Variants in BCAS4 observed in about 807,000 individuals in gnomAD.
BCAS4 encodes breast carcinoma-amplified sequence 4.
A neutral mutation model predicts 15.7 loss-of-function variants in BCAS4; 9 were observed. That is an observed-to-expected ratio of 0.57 (90% confidence interval 0.34 to 1.00). The LOEUF (loss-of-function observed/expected upper bound fraction) is 1.00. Among genes scored for constraint, BCAS4 ranks in the 50% least tolerant of loss-of-function variants. BCAS4 has a pLI of 0.02. For synonymous variants in BCAS4, 101 were observed against 99.5 expected, an observed-to-expected ratio of 1.02 and a Z score of -0.09; for missense variants, 225 against 239.1, an observed-to-expected ratio of 0.94 and a Z score of 0.39.
chr20:50,847,445 G>A (rs2088560303), intron 4 of BCAS4, among the ~76,000 whole-genome samples: 1 of 152,176 alleles, frequency 6.6e-6, no homozygotes, highest in Non-Finnish European at 1.5e-5. Flanking sequence ...AACACTTAGT[G>A]CTCAGCGGTG....
intron 2 of BCAS4, 59 bp from the exon 3 acceptor site, chr20:50,830,220 C>A: frequency 7.0e-7 from 1 of 1,434,120 alleles, no homozygotes; most frequent in Non-Finnish European, 9.8e-7. Context: ...ACCTCTGAGG[C>A]AGGCAGGAGG....
At chr20:50,827,548 TG>T (rs1279252951) in intron 2 of BCAS4, among the ~76,000 whole-genome samples, 1 of 152,236 alleles carries the variant, frequency 6.6e-6, no homozygotes, top group Non-Finnish European at 1.5e-5. Flanking sequence ...GTTAATTTTT[TG>T]TTGCTCAGCT....
At chr20:50,834,676 A>G (rs1014782692) in intron 3 of BCAS4, among the ~76,000 whole-genome samples, 7 of 152,204 alleles carry the variant, frequency 4.6e-5, no homozygotes, top group African/African-American at 1.7e-4. Flanking sequence ...TCATTCCTGA[A>G]CGTTTTCCCA....
chr20:50,876,581 C>T lies in BCAS4; in HGVS notation c.495C>T (p.His165=), dbSNP rs776820918. The change falls in exon 5 of 5, where the codon CAC becomes CAT. Residue 165 remains histidine, a synonymous_variant. Transcript: ENST00000371608. ...FPVDAGEAQH[H]PRTCPRPL ...TGGACGCCGGGGAAGCACAGCACCA[C>T]CCCCGCACCTGCCCTCGGCCTTTGT... The T allele has an allele frequency of 2.5e-6, 4 of 1,614,106 alleles. No individual in the cohort carries two copies. Among genetic ancestry groups the T allele is most frequent in the East Asian group, 2.2e-5 (1 of 44,876 alleles).
chr20:50,794,984 T>G (rs775282922), upstream of BCAS4: 1 of 1,269,264 alleles, frequency 7.9e-7, no homozygotes, highest in Non-Finnish European at 9.9e-7. Flanking sequence ...CGCCAGGCGG[T>G]CCGCGGGGCA....
intron 2 of BCAS4, among the ~76,000 whole-genome samples, chr20:50,822,020 T>C (rs975510833): frequency 1.3e-5 from 2 of 152,216 alleles, no homozygotes; most frequent in Admixed American, 1.3e-4. Flanking sequence ...AATTTGGTGA[T>C]GTAAAACAAC....
intron 4 of BCAS4, among the ~76,000 whole-genome samples, chr20:50,871,157 C>G (rs1456990668): frequency 2.0e-5 from 3 of 152,234 alleles, no homozygotes; most frequent in African/African-American, 7.2e-5. Flanking sequence ...GCTCCATCCT[C>G]AAGGAGCCCT....
At chr20:50,863,078 G>A (rs1298152199) in intron 4 of BCAS4, among the ~76,000 whole-genome samples, 4 of 151,792 alleles carry the variant, frequency 2.6e-5, no homozygotes, top group South Asian at 2.1e-4. Flanking sequence ...TGATCTGCCC[G>A]CCTTGCCTCC....
At chr20:50,873,547 A>G (rs1403025863) in intron 4 of BCAS4, among the ~76,000 whole-genome samples, 1 of 152,262 alleles carries the variant, frequency 6.6e-6, no homozygotes, top group East Asian at 1.9e-4. Flanking sequence ...ATCTCAGGCC[A>G]TCATTAAAAA....
intron 3 of BCAS4, among the ~76,000 whole-genome samples, chr20:50,831,299 C>T (rs1458055818): frequency 6.6e-6 from 1 of 151,902 alleles, no homozygotes; most frequent in Non-Finnish European, 1.5e-5. Context: ...CGTGGTGACA[C>T]ACACTGAGGA....
rs181219396 is a variant in BCAS4, at chr20:50,854,100, A to G, written c.399+12200A>G. On this transcript the variant is annotated intron_variant, in intron 4 of 4. Coordinates refer to ENST00000371608, the MANE Select transcript of BCAS4 (RefSeq NM_198799.4). ...CCCTCATTGCTTTTATATGTTTCCT[A>G]TAAATATGAAAAAGTTTCCTTATAA... is the stretch of plus-strand genomic sequence containing the variant. 4.6e-4 allele frequency among the ~76,000 whole-genome samples: 70 copies of G among 152,316 alleles called. No homozygotes were observed. In the Middle Eastern group the frequency reaches 0.014, roughly 30 times the overall value.
Position 50,865,559 on chromosome 20 carries a change from C to T in BCAS4, c.400-10927C>T, listed in dbSNP as rs142282830. Among the ~76,000 whole-genome samples, 119 of 152,298 alleles carry T rather than the reference C, an allele frequency of 7.8e-4. 1 individual carries two copies. In the East Asian group the frequency reaches 0.02, roughly 25 times the overall value. ...TCCAGGAACCTTCCAGAGCTGCCCC[C>T]TAGGGTCAGCATCACCTTAACAAGA... On this transcript the variant is annotated intron_variant, in intron 4 of 4. Coordinates refer to ENST00000371608, the MANE Select transcript of BCAS4 (RefSeq NM_198799.4).
intron 4 of BCAS4, among the ~76,000 whole-genome samples, chr20:50,853,139 A>ATTT (rs35651267): frequency 7.9e-4 from 84 of 106,890 alleles, no homozygotes; most frequent in African/African-American, 1.2e-3. Flanking sequence ...ATCCCCTTTC[A>ATTT]TTTTTTTTTT....
chr20:50,880,170 A>C (rs529237072), downstream of BCAS4: 8 of 152,304 alleles, frequency 5.3e-5, no homozygotes, highest in South Asian at 8.3e-4. Context: ...TATGGGGAAA[A>C]GGTGACAAGT....
In BCAS4 at chr20:50,851,738, C is replaced by T. The variant is rs75638194; in HGVS notation, c.399+9838C>T. Among the ~76,000 whole-genome samples, 120 of 152,252 alleles carry T rather than the reference C, an allele frequency of 7.9e-4. No homozygotes were observed. The highest frequency in any genetic ancestry group is 2.8e-3 in the African/African-American group (116 of 41,540). On this transcript the variant is annotated intron_variant, in intron 4 of 4. Transcript: ENST00000371608. The surrounding 1 kb of genome is among the most constrained non-coding windows in gnomAD (Gnocchi z 4.3). ...CATTGTTTGCGGCCTTTGCACATGC[C>T]GGTTCCCCTCCCTGGAAAACCCTTC...
At chr20:50,878,329 C>G (rs1980040737), downstream of BCAS4, 1 of 151,984 alleles carries the variant, frequency 6.6e-6, no homozygotes, top group African/African-American at 2.4e-5. Flanking sequence ...ACCACCACGC[C>G]CAGCTAATTT....
At chr20:50,882,399 T>TA in the BCAS4 span, 3 of 152,196 alleles carry the variant, frequency 2.0e-5, no homozygotes, top group African/African-American at 7.2e-5. Context: ...TATAATGTTG[T>TA]AAAAATGGGT....
intron 1 of BCAS4, among the ~76,000 whole-genome samples, chr20:50,797,992 G>A (rs1248183894): frequency 6.6e-6 from 1 of 151,888 alleles, no homozygotes; most frequent in Non-Finnish European, 1.5e-5. Flanking sequence ...TGTTCTAGGA[G>A]CCACATGAAA....
intron 1 of BCAS4, among the ~76,000 whole-genome samples, chr20:50,807,989 G>A (rs2088014046): frequency 6.6e-6 from 1 of 150,614 alleles, no homozygotes; most frequent in Non-Finnish European, 1.5e-5. Flanking sequence ...CTCACTGCAG[G>A]CTCCGCCTCC....
Sources: gnomAD v4.1 joint callset for allele counts (sites outside exome capture counted in the v4.1 genomes callset) on GRCh38, gnomAD v4.1.1 for gene constraint, Gnocchi (gnomAD v3.1) non-coding constraint, MANE v1.5 for transcripts, NCBI Gene and HGNC (gene_info 2026-07-23, HGNC 2026-07-21) for gene names.